ADGRG6: variants seen among roughly 807,000 people sequenced by gnomAD.
ADGRG6 encodes the protein adhesion G protein-coupled receptor G6, also known as G-protein coupled receptor 126.
In ADGRG6, 84 loss-of-function variants were observed where a neutral mutation model predicts 142.4. The observed-to-expected ratio is 0.59, with a 90% CI of 0.49 to 0.71. The LOEUF is 0.71. Among genes scored for constraint, ADGRG6 ranks in the 30% least tolerant of loss-of-function variants. The pLI, the probability that ADGRG6 is intolerant of heterozygous loss-of-function variation, is 0.00. For missense variants in ADGRG6, 1,367 were observed against 1,466.6 expected, an observed-to-expected ratio of 0.93 and a Z score of 1.11; for synonymous variants, 521 against 520.5, an observed-to-expected ratio of 1.00 and a Z score of -0.01.
chr6:142,437,581 A>T (rs1777545244), intron 23 of ADGRG6, 46 bp downstream of exon 23: 1 of 901,434 alleles, frequency 1.1e-6, no homozygotes, highest in African/African-American at 1.6e-5. Context: ...TAGATGGGAA[A>T]GTTTGTCATT....
rs1775597920 is a variant in ADGRG6, at chr6:142,402,836, T to C, written c.1955+6T>C. ...TTGCTTGAGTCATCTTCTGAGTAAG[T>C]ATTTTTTTTTTCCTGGAGAGTAAAT... is the stretch of plus-strand genomic sequence containing the variant. On this transcript the variant is annotated splice_donor_region_variant and intron_variant, in intron 13 of 24. Coordinates refer to ENST00000367609, the MANE Select transcript of ADGRG6 (RefSeq NM_198569.3). The C allele has an allele frequency of 5.3e-6, 8 of 1,495,508 alleles. No individual in the cohort carries two copies. The highest frequency in any genetic ancestry group is 7.3e-6 in the Non-Finnish European group (8 of 1,096,348). The allele number at this position is 1,495,508 out of a possible 1,614,324, so 92.6% of individuals were successfully genotyped here.
chr6:142,383,866 A>G (rs2114938744), intron 6 of ADGRG6, 23 bp downstream of exon 6: 4 of 1,137,450 alleles, frequency 3.5e-6, no homozygotes, highest in Middle Eastern at 2.0e-4. Flanking sequence ...TACCTTTTAT[A>G]TTTTTAGTAT....
intron 3 of ADGRG6, among the ~76,000 whole-genome samples, chr6:142,369,647 G>C (rs1032307650): frequency 1.3e-5 from 2 of 152,132 alleles, no homozygotes; most frequent in African/African-American, 4.8e-5. Flanking sequence ...AAAACAGCCT[G>C]ATGATGGTGG....
chr6:142,340,074 A>G (rs960603147), intron 2 of ADGRG6, among the ~76,000 whole-genome samples: 3 of 152,134 alleles, frequency 2.0e-5, no homozygotes, highest in African/African-American at 7.2e-5. Flanking sequence ...TTACTGACAA[A>G]TGTTGCATAT....
chr6:142,398,281 G>A (rs1039869100), intron 10 of ADGRG6, among the ~76,000 whole-genome samples: 2 of 152,162 alleles, frequency 1.3e-5, no homozygotes, highest in African/African-American at 4.8e-5. Context: ...GAAATTAGTT[G>A]GGTGTTGTGC....
chr6:142,309,594 G>C lies in ADGRG6; in HGVS notation c.53G>C (p.Ser18Thr). ...AGCTGCCATTGGAAATGGAAGCCCA[G>C]TCCTCTCCTGTTCTTATTTGCTTTA... ...MWSCHWKWKP[S>T]PLLFLFALYI... is the part of the protein sequence containing the mutation. The change falls in exon 2 of 25, where the codon AGT becomes ACT. Residue 18 changes from serine (S) to threonine (T), a missense_variant. Physicochemically the swap from Ser to Thr is moderately conservative, Grantham distance 58. This residue lies in a region of ADGRG6 where 737 missense variants were observed against 746.5 expected (regional missense o/e 0.99). Transcript: ENST00000367609. 1 of 1,609,134 alleles carries C rather than the reference G, an allele frequency of 6.2e-7. No homozygotes were observed. The highest frequency in any genetic ancestry group is 8.5e-7 in the Non-Finnish European group (1 of 1,177,288).
intron 17 of ADGRG6, 129 bp downstream of exon 17, chr6:142,410,048 G>A (rs950082350): frequency 4.7e-6 from 2 of 426,746 alleles, no homozygotes; most frequent in Non-Finnish European, 8.6e-6. Context: ...AATGGCAAAT[G>A]AGCTGCAAAG....
At chr6:142,423,260 TA>T (rs1200695588) in intron 22 of ADGRG6, among the ~76,000 whole-genome samples, 1 of 143,472 alleles carries the variant, frequency 7.0e-6, no homozygotes, top group African/African-American at 2.6e-5. Context: ...TCCTGAATGG[TA>T]ATGCCTAGGT....
intron 2 of ADGRG6, among the ~76,000 whole-genome samples, chr6:142,360,552 C>T (rs1780661387): frequency 6.6e-6 from 1 of 152,168 alleles, no homozygotes; most frequent in African/African-American, 2.4e-5. Flanking sequence ...AGCTCCTACC[C>T]TTCATTACTG....
intron 24 of ADGRG6, among the ~76,000 whole-genome samples, chr6:142,439,057 G>A (rs775322158): frequency 4.6e-5 from 7 of 152,142 alleles, no homozygotes; most frequent in Non-Finnish European, 1.0e-4. Context: ...AGGCTGAGAT[G>A]GTGGGATTGC....
Position 142,440,896 on chromosome 6 carries a change from T to G in ADGRG6, c.3575-2441T>G. The stretch of plus-strand genomic sequence containing the variant: ...TGGAATTGATCTAGATATTCATATG[T>G]TTATGGTATAGATAATGTCTCCTAT... On this transcript the variant is annotated intron_variant, in intron 24 of 24. Coordinates refer to ENST00000367609, the MANE Select transcript of ADGRG6 (RefSeq NM_198569.3). The G allele has an allele frequency of 2.2e-6, 3 of 1,353,188 alleles. No homozygotes were observed. The South Asian group carries it at 4.1e-5, about 18-fold the overall frequency. The allele number at this position is 1,353,188 out of a possible 1,614,324, so 83.8% of individuals were successfully genotyped here.
chr6:142,344,363 T>C (rs1451323856), intron 2 of ADGRG6, among the ~76,000 whole-genome samples: 1 of 151,980 alleles, frequency 6.6e-6, no homozygotes, highest in Non-Finnish European at 1.5e-5. Flanking sequence ...ACAATCTGAG[T>C]ATTTGACATG....
chr6:142,329,445 T>C (rs996530504), intron 2 of ADGRG6, among the ~76,000 whole-genome samples: 21 of 152,198 alleles, frequency 1.4e-4, no homozygotes, highest in African/African-American at 4.8e-4. Context: ...TTTTCTCTAA[T>C]ATTTTCACTT....
In ADGRG6 at chr6:142,385,672, C is replaced by T. The variant is rs151192150; in HGVS notation, c.1222+1829C>T. Among the ~76,000 whole-genome samples, 35 of 152,280 alleles carry T rather than the reference C, an allele frequency of 2.3e-4. No individual in the cohort carries two copies. The East Asian group carries it at 6.5e-3, about 28-fold the overall frequency. ...CTCCCTGTATCCTATTGCCTTCTCA[C>T]ATCTTAGCGCCTGAAGCCTTTATTA... On this transcript the variant is annotated intron_variant, in intron 6 of 24. Coordinates refer to ENST00000367609, the MANE Select transcript of ADGRG6 (RefSeq NM_198569.3).
chr6:142,373,563 G>A (rs1441619939), intron 4 of ADGRG6, among the ~76,000 whole-genome samples: 1 of 152,170 alleles, frequency 6.6e-6, no homozygotes, highest in Non-Finnish European at 1.5e-5. Flanking sequence ...TTTAGAGACG[G>A]GGTTTCACTC....
At chr6:142,388,368 A>G (rs926504095) in intron 6 of ADGRG6, among the ~76,000 whole-genome samples, 3 of 152,126 alleles carry the variant, frequency 2.0e-5, no homozygotes, top group African/African-American at 7.2e-5. Flanking sequence ...CTTAGAGGGA[A>G]CAAATACTAC....
chr6:142,438,412 G>C (rs761183887), intron 24 of ADGRG6, 48 bp downstream of exon 24: 1 of 1,247,826 alleles, frequency 8.0e-7, no homozygotes, highest in South Asian at 1.5e-5. Flanking sequence ...CATTTTCATT[G>C]CAAAAATTGG....
At position 142,383,830 on chromosome 6, in the gene ADGRG6, T is replaced by C; in HGVS notation, c.1209T>C (p.Asp403=). ...TTNMPVTNRI[D]KQRNDGIIYR... is the part of the protein sequence containing the mutation. ...ACATGCCTGTTACTAACAGAATCGA[T>C]AAACAAAGGAATGGTAAGAAATCAT... Residue 403 remains aspartate, a synonymous_variant, in exon 6 of 25, where the codon GAT becomes GAC. Coordinates refer to ENST00000367609, the MANE Select transcript of ADGRG6 (RefSeq NM_198569.3). 1 of 1,531,616 alleles carries C rather than the reference T, an allele frequency of 6.5e-7. No homozygotes were observed. Among genetic ancestry groups the C allele is most frequent in the African/African-American group, 1.4e-5 (1 of 73,372 alleles). 94.9% of individuals were successfully genotyped at this position (1,531,616 alleles called of 1,614,324 possible). A position where few individuals can be genotyped will look rare whatever the true frequency, so the allele number is the denominator to read the frequency against.
At chr6:142,308,597 A>G (rs1777614783) in intron 1 of ADGRG6, among the ~76,000 whole-genome samples, 1 of 151,944 alleles carries the variant, frequency 6.6e-6, no homozygotes, top group Non-Finnish European at 1.5e-5. Context: ...GTTACTACTT[A>G]TAGGCAAAGT....
Sources: allele counts gnomAD v4.1 joint callset (sites outside exome capture counted in the v4.1 genomes callset), GRCh38; gene constraint gnomAD v4.1.1; regional missense constraint gnomAD v4.1.1; transcripts MANE v1.5; gene names NCBI Gene and HGNC (gene_info 2026-07-23, HGNC 2026-07-21).